NAALADL2: variants seen among roughly 807,000 people sequenced by gnomAD.
NAALADL2 encodes the protein N-acetylated alpha-linked acidic dipeptidase like 2.
In NAALADL2, 76 loss-of-function variants were observed where a neutral mutation model predicts 87.2. The observed-to-expected ratio is 0.87, with a 90% CI of 0.72 to 1.05. The LOEUF (loss-of-function observed/expected upper bound fraction) is 1.05, where lower values mean the gene tolerates loss of function less well. NAALADL2 is among the 50% of genes least tolerant of loss of function. The pLI is 0.00. For missense variants in NAALADL2, 1,089 were observed against 945.8 expected (o/e 1.15, Z -1.99); for synonymous variants, 354 against 331.0 (o/e 1.07, Z -0.75).
intron 1 of NAALADL2, among the ~76,000 whole-genome samples, chr3:174,962,984 A>T (rs1374401741): frequency 3.9e-5 from 6 of 152,174 alleles, no homozygotes; most frequent in Non-Finnish European, 8.8e-5. Flanking sequence ...CTATGTAAAT[A>T]GTTGGCACAC....
intron 1 of NAALADL2, among the ~76,000 whole-genome samples, chr3:174,441,260 G>A (rs1041907918): frequency 3.9e-5 from 6 of 152,066 alleles, no homozygotes; most frequent in African/African-American, 1.4e-4. Flanking sequence ...CGACTCCGCG[G>A]GGTGGCGCGC....
intron 1 of NAALADL2, among the ~76,000 whole-genome samples, chr3:175,095,014 C>T (rs777155662): frequency 1.3e-4 from 19 of 151,998 alleles, no homozygotes; most frequent in African/African-American, 4.1e-4. Context: ...ATTTCACATA[C>T]GAAGACCCTG....
chr3:174,624,890 A>G (rs1366056764), intron 2 of NAALADL2, among the ~76,000 whole-genome samples: 2 of 152,038 alleles, frequency 1.3e-5, no homozygotes, highest in Non-Finnish European at 2.9e-5. Flanking sequence ...TTACATATTG[A>G]TGTTCACATT....
At chr3:175,131,744 C>T (rs544425715) in intron 2 of NAALADL2, among the ~76,000 whole-genome samples, 2,997 of 151,240 alleles carry the variant, frequency 0.02, 53 homozygotes, top group Admixed American at 0.03. Flanking sequence ...CCTCACCCCC[C>T]GGACAGGGCG....
rs192583240 is a variant in NAALADL2 at position 174,783,528 on chromosome 3, A to G, written c.-9+45782A>G. Among the ~76,000 whole-genome samples, 43 of 152,288 alleles carry G rather than the reference A, an allele frequency of 2.8e-4. No homozygotes were observed. The East Asian group carries it at 7.3e-3, about 26-fold the overall frequency. On this transcript the variant is annotated intron_variant, in intron 3 of 3. Coordinates refer to the NAALADL2 transcript ENST00000434257. ...TCCTTTGTACTTGATACAATCAAAT[A>G]GTGTGCATTTTGCAACCGTGGCAAA...
At chr3:174,868,293 G>T (rs891843977) in intron 1 of NAALADL2, among the ~76,000 whole-genome samples, 1 of 152,118 alleles carries the variant, frequency 6.6e-6, no homozygotes, top group Non-Finnish European at 1.5e-5. Context: ...TGGAGGGTAT[G>T]TCTGCTGCCT....
In NAALADL2 at chr3:175,241,537, A is replaced by G. The variant is rs1406994234; in HGVS notation, c.819+7333A>G. On this transcript the variant is annotated intron_variant, in intron 3 of 13. Coordinates refer to ENST00000454872, the MANE Select transcript of NAALADL2 (RefSeq NM_207015.3). ...TACTCAGCCCTTAATTACTTCTTTC[A>G]TATTTGAGAATAATAACCATGGGGC... Among the ~76,000 whole-genome samples, 3 of 152,248 alleles carry G rather than the reference A, an allele frequency of 2.0e-5. No individual in the cohort carries two copies. The East Asian group carries it at 5.8e-4, about 29-fold the overall frequency.
chr3:175,242,025 C>A (rs1747009144), intron 3 of NAALADL2, among the ~76,000 whole-genome samples: 1 of 151,482 alleles, frequency 6.6e-6, no homozygotes, highest in Non-Finnish European at 1.5e-5. Context: ...CCATGCCCAG[C>A]AAATTTTTGT....
chr3:175,193,062 TTGA>T (rs1738441489), intron 2 of NAALADL2, among the ~76,000 whole-genome samples: 1 of 152,000 alleles, frequency 6.6e-6, no homozygotes, highest in South Asian at 2.1e-4. Flanking sequence ...ACTCAGATTG[TTGA>T]TGTTTTGAAA....
chr3:175,163,226 T>A (rs1733497959), intron 2 of NAALADL2, among the ~76,000 whole-genome samples: 1 of 152,158 alleles, frequency 6.6e-6, no homozygotes, highest in South Asian at 2.1e-4. Context: ...AATTGACCAG[T>A]TTTCCACTTT....
chr3:174,923,604 T>A (rs1735558210), intron 1 of NAALADL2, among the ~76,000 whole-genome samples: 1 of 152,198 alleles, frequency 6.6e-6, no homozygotes, highest in Non-Finnish European at 1.5e-5. Context: ...GTAAAATAAT[T>A]TTCTAAAACA....
chr3:175,530,288 G>T (rs137969070), intron 9 of NAALADL2, among the ~76,000 whole-genome samples: 39 of 152,284 alleles, frequency 2.6e-4, no homozygotes, highest in African/African-American at 8.7e-4. Flanking sequence ...CATTCAGAGA[G>T]GTCGATCCAC....
chr3:175,441,343 G>A (rs1239206521), intron 5 of NAALADL2, among the ~76,000 whole-genome samples: 1 of 152,132 alleles, frequency 6.6e-6, no homozygotes, highest in Non-Finnish European at 1.5e-5. Context: ...AAGAAAATGT[G>A]GATAGGTTAT....
At chr3:174,903,981 C>G (rs938202293) in intron 1 of NAALADL2, among the ~76,000 whole-genome samples, 1 of 151,066 alleles carries the variant, frequency 6.6e-6, no homozygotes, top group African/African-American at 2.4e-5. Flanking sequence ...ATATCTATAT[C>G]TATTTCTATA....
intron 9 of NAALADL2, among the ~76,000 whole-genome samples, chr3:175,504,565 TTCTCTCTCTCTCTCTCTCTCTCTCTC>T (rs200985901): frequency 0.031 from 4,223 of 134,424 alleles, 215 homozygotes; most frequent in African/African-American, 0.11. Flanking sequence ...CTCTCTCTGT[TTCTCTCTCTCTCTCTCTCTCTCTCTC>T]TCTCTCTCTC....
At chr3:174,630,627 T>C (rs1034462490) in intron 2 of NAALADL2, among the ~76,000 whole-genome samples, 1 of 152,178 alleles carries the variant, frequency 6.6e-6, no homozygotes, top group African/African-American at 2.4e-5. Context: ...AATTTATTGG[T>C]AAAGAAGTCA....
intron 2 of NAALADL2, among the ~76,000 whole-genome samples, chr3:175,167,162 G>T (rs1005280028): frequency 1.3e-5 from 2 of 152,044 alleles, no homozygotes; most frequent in African/African-American, 4.8e-5. Context: ...GAACCATACA[G>T]TCTATTGCAA....
chr3:175,168,873 A>G (rs564726081), intron 2 of NAALADL2, among the ~76,000 whole-genome samples: 2 of 152,004 alleles, frequency 1.3e-5, no homozygotes, highest in South Asian at 4.1e-4. Context: ...TTATTTTGCT[A>G]TCAACATTTA....
At chr3:175,655,260 G>C (rs1043477505) in intron 11 of NAALADL2, among the ~76,000 whole-genome samples, 1 of 151,958 alleles carries the variant, frequency 6.6e-6, no homozygotes, top group Admixed American at 6.6e-5. Flanking sequence ...ATATTTGGTG[G>C]TAGTATATCA....
Sources: gnomAD v4.1 joint callset for allele counts (sites outside exome capture counted in the v4.1 genomes callset) on GRCh38, gnomAD v4.1.1 for gene constraint, MANE v1.5 for transcripts, NCBI Gene and HGNC (gene_info 2026-07-23, HGNC 2026-07-21) for gene names.